Variants in RPSA2 observed in about 807,000 individuals in gnomAD.
RPSA2 encodes the protein small ribosomal subunit protein uS2B.
the RPSA2 span, among the ~76,000 whole-genome samples, chr19:23,790,143 C>T: frequency 2.0e-5 from 3 of 151,998 alleles, no homozygotes; most frequent in South Asian, 2.1e-4. Flanking sequence ...GGATTACAGG[C>T]GCCCGCCACT....
the RPSA2 span, among the ~76,000 whole-genome samples, chr19:23,799,647 T>TAG: frequency 6.1e-5 from 3 of 49,444 alleles, no homozygotes; most frequent in Admixed American, 2.7e-4. Context: ...GCCGGAGTAC[T>TAG]GTAACCCCGT....
At chr19:23,837,623 G>A in the RPSA2 span, among the ~76,000 whole-genome samples, 1,910 of 152,084 alleles carry the variant, frequency 0.013, 40 homozygotes, top group African/African-American at 0.041. Flanking sequence ...TGTTTGTGTC[G>A]TCTATGATTT....
the RPSA2 span, chr19:23,823,953 G>C: frequency 6.6e-6 from 1 of 152,220 alleles, no homozygotes; most frequent in Admixed American, 6.5e-5. Flanking sequence ...TCTCCTGGCT[G>C]GCTCACCAAA....
At chr19:23,825,648 G>A in the RPSA2 span, among the ~76,000 whole-genome samples, 7,371 of 151,976 alleles carry the variant, frequency 0.049, 323 homozygotes, top group South Asian at 0.079. Flanking sequence ...GTGTAATGGC[G>A]CGATCTCAGC....
chr19:23,758,834 A>G, the RPSA2 span: 3 of 1,576,340 alleles, frequency 1.9e-6, no homozygotes, highest in African/African-American at 1.4e-5. Flanking sequence ...GGGCCTCTAG[A>G]AGAAGAGGAC....
At chr19:23,823,077 T>C in the RPSA2 span, among the ~76,000 whole-genome samples, 46 of 152,158 alleles carry the variant, frequency 3.0e-4, no homozygotes, top group African/African-American at 1.1e-3. Flanking sequence ...TAGCCAATTG[T>C]TTCCTTATCT....
chr19:23,863,230 AT>A, the RPSA2 span, among the ~76,000 whole-genome samples: 1 of 152,186 alleles, frequency 6.6e-6, no homozygotes, highest in Non-Finnish European at 1.5e-5. Flanking sequence ...TTTGTCTGCA[AT>A]TTGAATGCTT....
chr19:23,762,917 GC>G, the RPSA2 span: 1 of 151,862 alleles, frequency 6.6e-6, no homozygotes, highest in Non-Finnish European at 1.5e-5. Context: ...AGTGGCGCTG[GC>G]GCGGGAACCG....
At chr19:23,860,455 G>T in the RPSA2 span, among the ~76,000 whole-genome samples, 1 of 152,130 alleles carries the variant, frequency 6.6e-6, no homozygotes, top group Non-Finnish European at 1.5e-5. Context: ...TTCCACTGCA[G>T]CTTCTCACTT....
At chr19:23,792,997 T>C in the RPSA2 span, among the ~76,000 whole-genome samples, 5 of 152,138 alleles carry the variant, frequency 3.3e-5, no homozygotes, top group African/African-American at 1.2e-4. Flanking sequence ...AATGGGGTTG[T>C]ATGGTGGCTC....
the RPSA2 span, among the ~76,000 whole-genome samples, chr19:23,839,253 C>A: frequency 6.6e-6 from 1 of 152,134 alleles, no homozygotes; most frequent in South Asian, 2.1e-4. Flanking sequence ...TTTGAAGGTT[C>A]CTTTGGGAGT....
the RPSA2 span, among the ~76,000 whole-genome samples, chr19:23,810,387 C>T: frequency 9.4e-6 from 1 of 106,304 alleles, no homozygotes; most frequent in Non-Finnish European, 1.7e-5. Flanking sequence ...GAGCGAGACT[C>T]CCTCTCCAAA....
At chr19:23,804,910 A>C in the RPSA2 span, among the ~76,000 whole-genome samples, 2 of 152,088 alleles carry the variant, frequency 1.3e-5, no homozygotes, top group African/African-American at 4.8e-5. Flanking sequence ...TAAGTGTCTC[A>C]TGTGACTCTA....
chr19:23,798,061 AT>A, the RPSA2 span, among the ~76,000 whole-genome samples: 15 of 149,634 alleles, frequency 1.0e-4, no homozygotes, highest in Admixed American at 5.3e-4. Context: ...TTATGTATTT[AT>A]TTTTTTTTTA....
At chr19:23,827,529 T>A in the RPSA2 span, 1 of 1,596,946 alleles carries the variant, frequency 6.3e-7, no homozygotes. Flanking sequence ...CGGCTTCTTG[T>A]GGTTACTGAC....
chr19:23,767,815 G>A, the RPSA2 span, among the ~76,000 whole-genome samples: 1 of 139,056 alleles, frequency 7.2e-6, no homozygotes, highest in Admixed American at 7.8e-5. Context: ...CGCCCAGGCT[G>A]GAGTGCAGTG....
chr19:23,807,760 T>C, the RPSA2 span: 2 of 319,498 alleles, frequency 6.3e-6, no homozygotes, highest in Admixed American at 3.7e-5. Context: ...CATTTTGCCT[T>C]GAGTCAAATG....
At chr19:23,785,738 T>C in the RPSA2 span, among the ~76,000 whole-genome samples, 3 of 152,154 alleles carry the variant, frequency 2.0e-5, no homozygotes, top group Non-Finnish European at 2.9e-5. Context: ...ACAGGTAGGA[T>C]TGTAAAATAT....
At chr19:23,804,777 C>T in the RPSA2 span, among the ~76,000 whole-genome samples, 1 of 152,122 alleles carries the variant, frequency 6.6e-6, no homozygotes, top group Non-Finnish European at 1.5e-5. Flanking sequence ...AGTAGCAATG[C>T]TTAGGTAAGT....
Sources: allele counts gnomAD v4.1 joint callset (sites outside exome capture counted in the v4.1 genomes callset), GRCh38; gene constraint gnomAD v4.1.1; transcripts MANE v1.5; gene names NCBI Gene and HGNC (gene_info 2026-07-23, HGNC 2026-07-21).